Variants in CSMD3 observed in about 807,000 individuals in gnomAD.
CSMD3 encodes CUB and Sushi multiple domains 3, also known as CUB and sushi domain-containing protein 3.
A neutral mutation model predicts 435.2 loss-of-function variants in CSMD3; 177 were observed. That is an observed-to-expected ratio of 0.41 (90% CI 0.36 to 0.46). The LOEUF (loss-of-function observed/expected upper bound fraction) is 0.46. CSMD3 is among the 20% of genes least tolerant of loss of function. CSMD3 has a pLI of 0.34. For missense variants in CSMD3, 4,265 were observed against 4,504.6 expected (o/e 0.95, Z 1.52); for synonymous variants, 1,656 against 1,520.5 (o/e 1.09, Z -2.07).
At chr8:113,069,043 C>CA (rs11301355) in intron 5 of CSMD3, among the ~76,000 whole-genome samples, 2 of 150,934 alleles carry the variant, frequency 1.3e-5, no homozygotes, top group East Asian at 1.9e-4. Flanking sequence ...AAAAACAAAC[C>CA]AAAAAAAAAG....
intron 3 of CSMD3, among the ~76,000 whole-genome samples, chr8:113,245,390 T>G (rs527568588): frequency 1.3e-5 from 2 of 152,162 alleles, no homozygotes; most frequent in Admixed American, 1.3e-4. Context: ...TTATATCATT[T>G]TAATTTCTTT....
At chr8:112,977,359 C>T (rs972757624) in intron 6 of CSMD3, among the ~76,000 whole-genome samples, 2 of 151,962 alleles carry the variant, frequency 1.3e-5, no homozygotes, top group Non-Finnish European at 2.9e-5. Context: ...TTTCAAAATT[C>T]TGTTAGCAAT....
At chr8:112,964,520 G>T (rs2130879554) in intron 7 of CSMD3, among the ~76,000 whole-genome samples, 1 of 152,010 alleles carries the variant, frequency 6.6e-6, no homozygotes, top group South Asian at 2.1e-4. Context: ...TTAAAGGTGT[G>T]AACAGATGAA....
chr8:113,407,076 A>G (rs1208950798), intron 1 of CSMD3, among the ~76,000 whole-genome samples: 2 of 152,206 alleles, frequency 1.3e-5, no homozygotes, highest in Non-Finnish European at 2.9e-5. Context: ...ATAAAAATTT[A>G]GTAAGAACTA....
intron 35 of CSMD3, among the ~76,000 whole-genome samples, chr8:112,404,488 A>G (rs1831600514): frequency 6.6e-6 from 1 of 151,864 alleles, no homozygotes; most frequent in African/African-American, 2.4e-5. Context: ...AGATCATGCC[A>G]TTGCACTCCA....
chr8:112,524,605 T>C (rs1432913416), intron 27 of CSMD3, among the ~76,000 whole-genome samples: 3 of 151,932 alleles, frequency 2.0e-5, no homozygotes, highest in African/African-American at 7.2e-5. Context: ...TAATAACATG[T>C]GTATCAAAAT....
intron 22 of CSMD3, among the ~76,000 whole-genome samples, chr8:112,608,120 C>T (rs1278849925): frequency 6.6e-6 from 1 of 151,978 alleles, no homozygotes; most frequent in African/African-American, 2.4e-5. Context: ...CAGGATATAA[C>T]ATTAACATAT....
chr8:113,252,318 A>G (rs565146075), intron 3 of CSMD3, among the ~76,000 whole-genome samples: 4 of 152,276 alleles, frequency 2.6e-5, no homozygotes, highest in Middle Eastern at 3.4e-3. Flanking sequence ...ACTATCTATC[A>G]TCTATAACAA....
At chr8:113,055,809 G>A (rs955151607) in intron 5 of CSMD3, among the ~76,000 whole-genome samples, 4 of 152,120 alleles carry the variant, frequency 2.6e-5, no homozygotes, top group African/African-American at 7.2e-5. Context: ...TAGAGGCAAG[G>A]CATTTGGCAT....
intron 24 of CSMD3, among the ~76,000 whole-genome samples, chr8:112,562,452 G>A (rs1191137145): frequency 6.6e-6 from 1 of 151,118 alleles, no homozygotes; most frequent in Non-Finnish European, 1.5e-5. Flanking sequence ...GGTCAATGAA[G>A]ATATGTTAGT....
chr8:112,487,828 CTT>C (rs1407480892), intron 31 of CSMD3, among the ~76,000 whole-genome samples: 1 of 152,052 alleles, frequency 6.6e-6, no homozygotes, highest in African/African-American at 2.4e-5. Flanking sequence ...GTTTTATTAC[CTT>C]TACCTAATAT....
At chr8:113,054,967 A>G (rs868578073) in intron 5 of CSMD3, among the ~76,000 whole-genome samples, 1 of 152,154 alleles carries the variant, frequency 6.6e-6, no homozygotes, top group South Asian at 2.1e-4. Flanking sequence ...CCTGACTGCT[A>G]CATTTAAAAT....
intron 4 of CSMD3, among the ~76,000 whole-genome samples, chr8:113,172,960 T>C (rs930613565): frequency 2.6e-5 from 4 of 152,214 alleles, no homozygotes; most frequent in African/African-American, 9.6e-5. Context: ...CACATTATTA[T>C]ATTATTGTGT....
At chr8:112,704,952 A>T (rs373447414) in intron 13 of CSMD3, among the ~76,000 whole-genome samples, 11 of 152,212 alleles carry the variant, frequency 7.2e-5, no homozygotes, top group African/African-American at 2.4e-4. Context: ...GAATGAATTT[A>T]AAAAATCCAC....
chr8:113,107,859 T>A (rs980208741), intron 4 of CSMD3, among the ~76,000 whole-genome samples: 1 of 152,178 alleles, frequency 6.6e-6, no homozygotes, highest in Non-Finnish European at 1.5e-5. Flanking sequence ...TCCCTTTTTG[T>A]TCATATTATA....
chr8:113,121,147 C>A (rs755568944), intron 4 of CSMD3, among the ~76,000 whole-genome samples: 6 of 151,918 alleles, frequency 3.9e-5, no homozygotes, highest in Non-Finnish European at 8.8e-5. Context: ...TTTATTAGAG[C>A]CCTGGAGATA....
chr8:113,195,190 G>T (rs917569858), intron 3 of CSMD3, among the ~76,000 whole-genome samples: 1 of 144,480 alleles, frequency 6.9e-6, no homozygotes, highest in Non-Finnish European at 1.5e-5. Flanking sequence ...TACTGAAAAC[G>T]ATTTCCCATG....
chr8:113,214,081 A>T (rs1412426020), intron 3 of CSMD3, among the ~76,000 whole-genome samples: 1 of 152,050 alleles, frequency 6.6e-6, no homozygotes. Context: ...ACAGGATAAA[A>T]ATGGCAGTTA....
Position 113,093,716 on chromosome 8 carries a change from T to C in CSMD3, c.917+5040A>G, listed in dbSNP as rs189575035. Among the ~76,000 whole-genome samples, 409 of 152,276 alleles carry C rather than the reference T, an allele frequency of 2.7e-3. 2 individuals are homozygous for C. The highest frequency in any genetic ancestry group is 4.9e-3 in the Non-Finnish European group (336 of 67,990). ...AGTCAGCCTTCACTGGAAACTTGTA[T>C]TGACTAAATTTGTTAGTTTAAATCT... On this transcript the variant is annotated intron_variant, in intron 5 of 70. Coordinates refer to ENST00000297405, the MANE Select transcript of CSMD3 (RefSeq NM_198123.2).
Sources: gnomAD v4.1 joint callset for allele counts (sites outside exome capture counted in the v4.1 genomes callset) on GRCh38, gnomAD v4.1.1 for gene constraint, MANE v1.5 for transcripts, NCBI Gene and HGNC (gene_info 2026-07-23, HGNC 2026-07-21) for gene names.